The following NR2C2 variants were observed in gnomAD, a reference collection of about 807,000 sequenced individuals.
NR2C2 encodes Nuclear hormone receptor TR4.
Under a neutral mutation model 62.9 loss-of-function variants are expected in NR2C2, and 6 were observed. The ratio of observed to expected loss-of-function variants is 0.10; its 90% CI spans 0.05 to 0.19. The LOEUF (loss-of-function observed/expected upper bound fraction) is 0.19, where lower values mean the gene tolerates loss of function less well. Among genes scored for constraint, NR2C2 ranks in the 10% least tolerant of loss-of-function variants. NR2C2 has a pLI of 1.00. For missense variants in NR2C2, 479 were observed against 762.7 expected (o/e 0.63, Z 4.38); for synonymous variants, 272 against 273.8 (o/e 0.99, Z 0.07).
At chr3:15,032,291 T>A in intron 9 of NR2C2, 88 bp from the exon 10 acceptor site, 1 of 1,576,736 alleles carries the variant, frequency 6.3e-7, no homozygotes, top group South Asian at 1.1e-5. Flanking sequence ...GCCACTGCTA[T>A]TGAAGCATGA....
chr3:15,016,283 T>C (rs1559294371), intron 4 of NR2C2, 29 bp downstream of exon 4: 3 of 1,503,764 alleles, frequency 2.0e-6, no homozygotes, highest in Non-Finnish European at 2.8e-6. Flanking sequence ...TGCTGGCACT[T>C]ATAATGGGCC....
intron 8 of NR2C2, among the ~76,000 whole-genome samples, chr3:15,029,790 ATAAT>A (rs1393070590): frequency 7.9e-6 from 1 of 126,024 alleles, no homozygotes; most frequent in Non-Finnish European, 1.7e-5. Flanking sequence ...AAGTAAATAA[ATAAT>A]AGATAGATAG....
intron 1 of NR2C2, among the ~76,000 whole-genome samples, chr3:14,968,054 T>A (rs902443400): frequency 1.3e-5 from 2 of 152,304 alleles, no homozygotes; most frequent in East Asian, 3.9e-4. Flanking sequence ...AACCTAGGCA[T>A]TACCATTCAG....
chr3:15,014,507 T>C (rs1051130396), intron 3 of NR2C2, among the ~76,000 whole-genome samples: 4 of 152,080 alleles, frequency 2.6e-5, no homozygotes, highest in African/African-American at 9.7e-5. Context: ...ACACATAATA[T>C]AAAACTTAAC....
chr3:14,966,448 G>A (rs757196442), intron 1 of NR2C2, among the ~76,000 whole-genome samples: 1 of 152,192 alleles, frequency 6.6e-6, no homozygotes, highest in African/African-American at 2.4e-5. Context: ...TTAGCTGGAC[G>A]TGGTGGCGCC....
intron 1 of NR2C2, among the ~76,000 whole-genome samples, chr3:14,957,214 A>C (rs1442177694): frequency 6.6e-6 from 1 of 152,200 alleles, no homozygotes. Flanking sequence ...AATATGGATG[A>C]TTTGAATCAG....
At chr3:14,991,533 A>G (rs140735117) in intron 1 of NR2C2, among the ~76,000 whole-genome samples, 6,584 of 152,204 alleles carry the variant, frequency 0.043, 200 homozygotes, top group Non-Finnish European at 0.066. Context: ...TCATGATTTC[A>G]CTGAAGTGTT....
chr3:15,016,322 G>C, intron 4 of NR2C2, 68 bp downstream of exon 4: 1 of 1,155,654 alleles, frequency 8.7e-7, no homozygotes. Context: ...TTGTGAGGTG[G>C]GGTGGTAGTT....
At chr3:14,997,531 A>G (rs1182104429) in intron 1 of NR2C2, among the ~76,000 whole-genome samples, 1 of 152,204 alleles carries the variant, frequency 6.6e-6, no homozygotes, top group Non-Finnish European at 1.5e-5. Context: ...GCTAGCAGTT[A>G]TGTGTACATG....
At chr3:14,984,386 G>C (rs2040457950) in intron 1 of NR2C2, among the ~76,000 whole-genome samples, 1 of 151,904 alleles carries the variant, frequency 6.6e-6, no homozygotes, top group South Asian at 2.1e-4. Flanking sequence ...TTTTAGGATA[G>C]ATACTCAGCT....
intron 3 of NR2C2, among the ~76,000 whole-genome samples, chr3:15,015,231 T>C (rs1315944757): frequency 6.6e-6 from 1 of 152,234 alleles, no homozygotes; most frequent in Non-Finnish European, 1.5e-5. Flanking sequence ...GTTCCCACCA[T>C]GTATAAATCA....
intron 1 of NR2C2, among the ~76,000 whole-genome samples, chr3:14,995,668 CGTGTGTGTGT>C (rs58878848): frequency 6.7e-6 from 1 of 148,526 alleles, no homozygotes; most frequent in Non-Finnish European, 1.5e-5. Flanking sequence ...GTTTTCATTA[CGTGTGTGTGT>C]GTGTGTGTGT....
intron 2 of NR2C2, among the ~76,000 whole-genome samples, chr3:15,010,133 C>A (rs2041308098): frequency 6.6e-6 from 1 of 152,142 alleles, no homozygotes; most frequent in Non-Finnish European, 1.5e-5. Context: ...CCACAGCCGA[C>A]TTAAATTTTA....
At chr3:15,020,981 G>A in intron 5 of NR2C2, 49 bp downstream of exon 5, 3 of 1,527,186 alleles carry the variant, frequency 2.0e-6, no homozygotes, top group Non-Finnish European at 2.7e-6. Flanking sequence ...GAGGGAGACA[G>A]TAAATGAGTC....
At chr3:14,948,790 C>G (rs954441658) in intron 1 of NR2C2, 2 of 152,270 alleles carry the variant, frequency 1.3e-5, no homozygotes, top group African/African-American at 4.8e-5. Flanking sequence ...AACCAGGACA[C>G]TTTTCAGGGC....
chr3:15,029,179 A>G (rs1441891714), intron 8 of NR2C2, among the ~76,000 whole-genome samples: 4 of 151,232 alleles, frequency 2.6e-5, no homozygotes, highest in Non-Finnish European at 5.9e-5. Context: ...TCTTGGGCTC[A>G]AGTGATCTTC....
At chr3:14,956,353 A>G (rs540577442) in intron 1 of NR2C2, among the ~76,000 whole-genome samples, 1 of 152,336 alleles carries the variant, frequency 6.6e-6, no homozygotes, top group East Asian at 1.9e-4. Flanking sequence ...CAGAATAATT[A>G]GACTTATACT....
At chr3:15,030,160 A>T in intron 8 of NR2C2, 115 bp from the exon 9 acceptor site, 1 of 867,414 alleles carries the variant, frequency 1.2e-6, no homozygotes, top group Non-Finnish European at 1.7e-6. Flanking sequence ...CCCCATCTCT[A>T]CGGTAGAATT....
rs148163451 is a variant in NR2C2, at chr3:15,005,842, A to C, written c.72+1856A>C. On this transcript the variant is annotated intron_variant, in intron 2 of 13. Coordinates refer to ENST00000425241, the MANE Select transcript of NR2C2 (RefSeq NM_001291694.2). ...GGTCTTGTTTTTTTACCCAGCTGAC[A>C]ATCTGTCTTTTCATTGGTGGATGTG... Among the ~76,000 whole-genome samples the C allele has an allele frequency of 9.9e-5, 15 of 152,114 alleles. No individual in the cohort carries two copies. In the East Asian group the frequency reaches 2.9e-3, roughly 29 times the overall value.
Sources: allele counts gnomAD v4.1 joint callset (sites outside exome capture counted in the v4.1 genomes callset), GRCh38; gene constraint gnomAD v4.1.1; transcripts MANE v1.5; gene names NCBI Gene and HGNC (gene_info 2026-07-23, HGNC 2026-07-21).